ASCC3: variants seen among roughly 807,000 people sequenced by gnomAD.
The protein encoded by ASCC3 is ASC-1 complex subunit P200.
In ASCC3, 158 loss-of-function variants were observed where a neutral mutation model predicts 256.3. The ratio of observed to expected loss-of-function variants is 0.62; its 90% CI spans 0.54 to 0.70. ASCC3 has a LOEUF of 0.70. Ranked by LOEUF, ASCC3 falls within the 30% of genes least tolerant of loss-of-function variation. The pLI, the probability that ASCC3 is intolerant of heterozygous loss-of-function variation, is 0.00. For missense variants in ASCC3, 2,259 were observed against 2,626.0 expected (o/e 0.86, Z 3.05); for synonymous variants, 948 against 883.4 (o/e 1.07, Z -1.30).
At chr6:100,810,982 G>T (rs1770435484) in intron 4 of ASCC3, among the ~76,000 whole-genome samples, 1 of 152,020 alleles carries the variant, frequency 6.6e-6, no homozygotes, top group Non-Finnish European at 1.5e-5. Context: ...TATCCTTCAG[G>T]CATGTGTAAA....
chr6:100,656,339 T>C (rs1362636031), intron 16 of ASCC3, among the ~76,000 whole-genome samples: 4 of 151,602 alleles, frequency 2.6e-5, no homozygotes, highest in Non-Finnish European at 4.4e-5. Context: ...ACTGCGAGTG[T>C]GAAGATGTAA....
rs757716813 is a variant in ASCC3 at position 100,625,281 on chromosome 6, G to A, written c.4696C>T (p.Arg1566Cys). The A allele has an allele frequency of 8.1e-6, 13 of 1,612,794 alleles. No homozygotes were observed. Among genetic ancestry groups the A allele is most frequent in the African/African-American group, 1.3e-5 (1 of 74,866 alleles). The change falls in exon 30 of 42, where the codon CGT becomes TGT. Residue 1566 changes from arginine to cysteine, a missense_variant. Physicochemically the swap from Arg to Cys is radical, Grantham distance 180. Around this residue, in one of 2 missense-constraint regions of ASCC3, gnomAD observed 1,839 missense variants for 2,206.7 expected, o/e 0.83. Transcript: ENST00000369162. ...TCCAAAGCAGTAAGACGAGTTTGACGTCTTGATGAGACAAATATCAAAACA... is the reference window on the plus strand; with the variant it reads ...TCCAAAGCAGTAAGACGAGTTTGACATCTTGATGAGACAAATATCAAAACA... ...KPVLIFVSSR[R>C]QTRLTALELI...
At chr6:100,628,077 T>TA in intron 27 of ASCC3, 90 bp from the exon 28 acceptor site, 1 of 1,219,152 alleles carries the variant, frequency 8.2e-7, no homozygotes, top group African/African-American at 1.7e-5. Context: ...TGTAGCTTCC[T>TA]CAAAAAACAA....
At chr6:100,839,714 T>TGA (rs1772047607) in intron 4 of ASCC3, among the ~76,000 whole-genome samples, 1 of 152,202 alleles carries the variant, frequency 6.6e-6, no homozygotes, top group Non-Finnish European at 1.5e-5. Flanking sequence ...TTGACTGAGC[T>TGA]GAGATCTGTC....
chr6:100,739,563 T>C (rs549511781), intron 10 of ASCC3, among the ~76,000 whole-genome samples: 1 of 152,314 alleles, frequency 6.6e-6, no homozygotes, highest in African/African-American at 2.4e-5. Context: ...ATCCAACTGG[T>C]CCTGGACTTT....
chr6:100,823,787 T>C (rs1266304526), intron 4 of ASCC3, among the ~76,000 whole-genome samples: 1 of 152,136 alleles, frequency 6.6e-6, no homozygotes. Flanking sequence ...TTCTTGACAA[T>C]ACAACACATT....
chr6:100,610,885 G>A (rs1773358899), intron 30 of ASCC3, among the ~76,000 whole-genome samples: 1 of 152,146 alleles, frequency 6.6e-6, no homozygotes, highest in Admixed American at 6.6e-5. Flanking sequence ...AGCATAAAAT[G>A]TCTTCAATTT....
intron 8 of ASCC3, among the ~76,000 whole-genome samples, chr6:100,771,345 A>T (rs1781909070): frequency 6.6e-6 from 1 of 152,220 alleles, no homozygotes; most frequent in African/African-American, 2.4e-5. Context: ...ACATGGAAGA[A>T]ATTCTTTGTG....
chr6:100,600,612 A>G lies in ASCC3; in HGVS notation c.5303+1198T>C, dbSNP rs571527745. 2.6e-5 allele frequency among the ~76,000 whole-genome samples: 4 copies of G among 152,254 alleles called. No individual in the cohort carries two copies. In the East Asian group the frequency reaches 7.7e-4, roughly 29 times the overall value. On this transcript the variant is annotated intron_variant, in intron 34 of 41. Transcript: ENST00000369162. Reference sequence around the variant, plus strand: ...AAAAGAAACTTCTTAAGGTGTTAGTAGGTAAGATTTAGTAAGAACATTTTC... The same window carrying G: ...AAAAGAAACTTCTTAAGGTGTTAGTGGGTAAGATTTAGTAAGAACATTTTC...
intron 36 of ASCC3, among the ~76,000 whole-genome samples, chr6:100,582,512 T>C (rs896496418): frequency 2.6e-5 from 4 of 151,972 alleles, no homozygotes; most frequent in African/African-American, 9.7e-5. Context: ...TTTCTAGATA[T>C]ACAATCATGT....
At chr6:100,551,572 C>A (rs1769301104) in intron 36 of ASCC3, among the ~76,000 whole-genome samples, 1 of 151,952 alleles carries the variant, frequency 6.6e-6, no homozygotes. Context: ...GTTATATCTA[C>A]ACTGTACTTG....
intron 3 of ASCC3, 116 bp downstream of exon 3, chr6:100,863,948 A>T: frequency 5.1e-6 from 5 of 977,866 alleles, no homozygotes; most frequent in Non-Finnish European, 7.3e-6. Flanking sequence ...AATTATGAAT[A>T]CTTAGATGCC....
chr6:100,648,564 A>G (rs899629737), intron 20 of ASCC3, among the ~76,000 whole-genome samples: 1 of 152,028 alleles, frequency 6.6e-6, no homozygotes, highest in Non-Finnish European at 1.5e-5. Context: ...TTTCAGTATT[A>G]GAAATTAAAG....
At chr6:100,620,759 A>G (rs1049303199) in intron 30 of ASCC3, among the ~76,000 whole-genome samples, 1 of 152,178 alleles carries the variant, frequency 6.6e-6, no homozygotes, top group Non-Finnish European at 1.5e-5. Context: ...CAGAACATCA[A>G]TTTAACACTA....
rs1381176199 is a variant in ASCC3, at chr6:100,540,245, T to C, written c.5693A>G (p.His1898Arg). ...GCAGGGTAGCATGGCTCGGCTGAGA[T>C]GTGCCTGTAGCAGGAGATGTGCTTT... is the stretch of plus-strand genomic sequence containing the variant. Reference protein sequence around the residue: ...HTKAHLLLQAHLSRAMLPCPD... With the variant: ...HTKAHLLLQARLSRAMLPCPD... The change falls in exon 37 of 42, where the codon CAT becomes CGT. Residue 1898 changes from histidine to arginine, a missense_variant. By Grantham distance (29) the His-to-Arg change is conservative (BLOSUM62 0). This residue lies in a region of ASCC3 where 1,839 missense variants were observed against 2,206.7 expected (regional missense o/e 0.83). Transcript: ENST00000369162. 4 of 1,614,030 alleles carry C rather than the reference T, an allele frequency of 2.5e-6. No individual in the cohort carries two copies. The highest frequency in any genetic ancestry group is 3.4e-6 in the Non-Finnish European group (4 of 1,180,018).
intron 14 of ASCC3, among the ~76,000 whole-genome samples, chr6:100,679,287 A>G (rs556039627): frequency 1.3e-5 from 2 of 152,234 alleles, no homozygotes; most frequent in African/African-American, 4.8e-5. Context: ...AAATTTTTAA[A>G]AAGTATTAAT....
At chr6:100,644,621 T>C (rs1258160465) in intron 22 of ASCC3, among the ~76,000 whole-genome samples, 2 of 152,214 alleles carry the variant, frequency 1.3e-5, no homozygotes, top group African/African-American at 4.8e-5. Flanking sequence ...TGTCTCGCTC[T>C]TCCTTGCAGA....
intron 3 of ASCC3, among the ~76,000 whole-genome samples, chr6:100,861,241 G>A (rs1773210749): frequency 6.6e-6 from 1 of 151,970 alleles, no homozygotes; most frequent in South Asian, 2.1e-4. Flanking sequence ...ACAAACCACA[G>A]GATTCACTTA....
chr6:100,611,487 G>C (rs1773393696), intron 30 of ASCC3, among the ~76,000 whole-genome samples: 1 of 151,980 alleles, frequency 6.6e-6, no homozygotes, highest in Non-Finnish European at 1.5e-5. Flanking sequence ...GATAATGAAA[G>C]TTTAAAACAT....
Sources: gnomAD v4.1 joint callset for allele counts (sites outside exome capture counted in the v4.1 genomes callset) on GRCh38, gnomAD v4.1.1 for gene constraint, gnomAD v4.1.1 regional missense constraint, MANE v1.5 for transcripts, NCBI Gene and HGNC (gene_info 2026-07-23, HGNC 2026-07-21) for gene names.